CDCA8: variants seen among roughly 807,000 people sequenced by gnomAD.
CDCA8 encodes borealin.
Under a neutral mutation model 40.0 loss-of-function variants are expected in CDCA8, and 25 were observed. The ratio of observed to expected loss-of-function variants is 0.63; its 90% CI spans 0.46 to 0.87. CDCA8 has a LOEUF of 0.87. Among genes scored for constraint, CDCA8 ranks in the 40% least tolerant of loss-of-function variants. The pLI is 0.00. For missense variants in CDCA8, 280 were observed against 348.4 expected (o/e 0.80, Z 1.56); for synonymous variants, 111 against 126.5 (o/e 0.88, Z 0.82).
At position 37,703,305 on chromosome 1, in the gene CDCA8, T is replaced by TG; in HGVS notation, c.544dup (p.Val182GlyfsTer12). The TG allele has an allele frequency of 8.1e-6, 13 of 1,614,078 alleles. No individual in the cohort carries two copies. Among genetic ancestry groups the TG allele is most frequent in the Non-Finnish European group, 1.1e-5 (13 of 1,179,992 alleles). On this transcript the variant is annotated frameshift_variant, in exon 7 of 10. Coordinates refer to ENST00000373055, the MANE Select transcript of CDCA8 (RefSeq NM_001256875.2). LOFTEE classifies it high-confidence loss of function. ...GCCGTGGGCCGATTGGAGGTGTCCATGGTCAAACCAACTCCAGGCCTGACA... is the reference window on the plus strand; with the variant it reads ...GCCGTGGGCCGATTGGAGGTGTCCATGGGTCAAACCAACTCCAGGCCTGACA...
At chr1:37,694,913 A>G (rs1645515856) in intron 2 of CDCA8, among the ~76,000 whole-genome samples, 2 of 152,236 alleles carry the variant, frequency 1.3e-5, no homozygotes, top group African/African-American at 4.8e-5. Context: ...ACATCTATTG[A>G]CTGCTAGATT....
rs1265301234 is a variant in CDCA8, at chr1:37,705,470, C to T, written c.614C>T (p.Pro205Leu). Residue 205 changes from proline to leucine, a missense_variant, in exon 8 of 10, where the codon CCA becomes CTA. By Grantham distance (98) the Pro-to-Leu change is moderately conservative. Coordinates refer to ENST00000373055, the MANE Select transcript of CDCA8 (RefSeq NM_001256875.2). ...TTCAAGACCCCTGGCCTGCGTACTC[C>T]AGCAGCAGGAGAGCGGATTTACAAC... is the stretch of plus-strand genomic sequence containing the variant. ...RVFKTPGLRT[P>L]AAGERIYNIS... The T allele has an allele frequency of 1.9e-6, 3 of 1,614,006 alleles. No homozygotes were observed. The highest frequency in any genetic ancestry group is 2.5e-6 in the Non-Finnish European group (3 of 1,179,934).
chr1:37,692,604 TG>T lies in CDCA8; in HGVS notation c.-85del. ...GTACGTGCCTGGCGACTTCTTCGGG[TG>T]GTCCCCGTCCGCCCTCCTCGTCCCT... On this transcript the variant is annotated 5_prime_UTR_variant, in exon 1 of 10. Transcript: ENST00000373055. 1 of 1,041,214 alleles carries T rather than the reference TG, an allele frequency of 9.6e-7. No individual in the cohort carries two copies. The highest frequency in any genetic ancestry group is 1.5e-6 in the Non-Finnish European group (1 of 682,968). 64.5% of individuals were successfully genotyped at this position (1,041,214 alleles called of 1,614,324 possible).
chr1:37,701,822 G>C lies in CDCA8; in HGVS notation c.488+4G>C, dbSNP rs371748666. On this transcript the variant is annotated splice_donor_region_variant and intron_variant, in intron 6 of 9. Coordinates refer to ENST00000373055, the MANE Select transcript of CDCA8 (RefSeq NM_001256875.2). ...AAGGAAAAGGAAAAGGGAAAAGGTA[G>C]TGGATTTTCTAAAGTTGTGGTGTTT... 6.2e-7 allele frequency: 1 copy of C among 1,609,786 alleles called. No homozygotes were observed. Among genetic ancestry groups the C allele is most frequent in the Non-Finnish European group, 8.5e-7 (1 of 1,176,382 alleles).
At chr1:37,705,134 C>CCAG in intron 7 of CDCA8, among the ~76,000 whole-genome samples, 1 of 152,330 alleles carries the variant, frequency 6.6e-6, no homozygotes, top group South Asian at 2.1e-4. Flanking sequence ...AAACAATTAA[C>CCAG]CAGCGTATTT....
Position 37,703,363 on chromosome 1 carries a change from A to G in CDCA8, c.584+16A>G, listed in dbSNP as rs369883881. On this transcript the variant is annotated intron_variant, in intron 7 of 9. Coordinates refer to ENST00000373055, the MANE Select transcript of CDCA8 (RefSeq NM_001256875.2). ...TTGACTCAAGGTGAGTATCGAGGGA[A>G]ACACTTGGATTTGATGGGACTCCAA... The G allele has an allele frequency of 6.3e-7, 1 of 1,576,902 alleles. No individual in the cohort carries two copies. Among genetic ancestry groups the G allele is most frequent in the African/African-American group, 1.3e-5 (1 of 74,202 alleles).
chr1:37,705,210 A>G (rs1285876321), intron 7 of CDCA8, among the ~76,000 whole-genome samples: 1 of 152,200 alleles, frequency 6.6e-6, no homozygotes, highest in African/African-American at 2.4e-5. Context: ...TTATGTGGAT[A>G]AGAGTTGGCT....
intron 2 of CDCA8, among the ~76,000 whole-genome samples, chr1:37,693,936 G>A (rs530588859): frequency 3.0e-4 from 45 of 151,736 alleles, no homozygotes; most frequent in Non-Finnish European, 5.6e-4. Flanking sequence ...TCAGGAGTTC[G>A]AGACCAGCCT....
At chr1:37,693,143 A>G in intron 2 of CDCA8, 110 bp downstream of exon 2, 1 of 807,324 alleles carries the variant, frequency 1.2e-6, no homozygotes, top group Non-Finnish European at 1.9e-6. Context: ...ATCTGACATG[A>G]CCACTTATGG....
chr1:37,697,794 C>T (rs1246256218), intron 3 of CDCA8, among the ~76,000 whole-genome samples: 1 of 152,252 alleles, frequency 6.6e-6, no homozygotes, highest in Non-Finnish European at 1.5e-5. Flanking sequence ...AGGAATGCCC[C>T]TACTTTCTGT....
chr1:37,700,614 T>G, intron 5 of CDCA8, 93 bp downstream of exon 5: 1 of 778,048 alleles, frequency 1.3e-6, no homozygotes, highest in South Asian at 1.4e-5. Context: ...GAGCTCACAG[T>G]TTAGTAGAGA....
chr1:37,708,153 A>G (rs576933649), intron 9 of CDCA8, among the ~76,000 whole-genome samples, 169 bp from the exon 10 acceptor site: 3 of 152,334 alleles, frequency 2.0e-5, no homozygotes, highest in African/African-American at 7.2e-5. Context: ...TTACTGTCTC[A>G]CTTGAGTTGT....
chr1:37,693,247 G>A (rs929784462), intron 2 of CDCA8, among the ~76,000 whole-genome samples: 1 of 151,776 alleles, frequency 6.6e-6, no homozygotes. Context: ...CGGGCGGGGC[G>A]GTCTCTGTCG....
In CDCA8 at chr1:37,705,431, C is replaced by G. The variant is rs1471767178; in HGVS notation, c.585-10C>G. On this transcript the variant is annotated splice_polypyrimidine_tract_variant and intron_variant, in intron 7 of 9. Transcript: ENST00000373055. ...GCCAAGCTATCTTCACAGAGATTTTCCCATTCTAGGGTCTTCAAGACCCCT... is the reference window on the plus strand; with the variant it reads ...GCCAAGCTATCTTCACAGAGATTTTGCCATTCTAGGGTCTTCAAGACCCCT... 1 of 1,610,958 alleles carries G rather than the reference C, an allele frequency of 6.2e-7. No individual in the cohort carries two copies. Among genetic ancestry groups the G allele is most frequent in the African/African-American group, 1.3e-5 (1 of 74,868 alleles).
chr1:37,707,646 T>G (rs984558866), intron 9 of CDCA8, among the ~76,000 whole-genome samples: 1 of 152,194 alleles, frequency 6.6e-6, no homozygotes, highest in Non-Finnish European at 1.5e-5. Context: ...TTGTTCAATT[T>G]CTTGTCTTGG....
At chr1:37,694,391 AT>A (rs1164757286) in intron 2 of CDCA8, among the ~76,000 whole-genome samples, 1 of 152,192 alleles carries the variant, frequency 6.6e-6, no homozygotes, top group African/African-American at 2.4e-5. Flanking sequence ...TCATTTGCTT[AT>A]TTCTCCAAAT....
Position 37,708,569 on chromosome 1 carries a change from GTCA to G in CDCA8, c.*204_*206del. On this transcript the variant is annotated 3_prime_UTR_variant, in exon 10 of 10. Coordinates refer to ENST00000373055, the MANE Select transcript of CDCA8 (RefSeq NM_001256875.2). ...CACCCTCCCATCCCAGCTGATCCCA[GTCA>G]CTGCTTGCTGGGGCCATGCCATGGA... 1 of 588,616 alleles carries G rather than the reference GTCA, an allele frequency of 1.7e-6. No homozygotes were observed. The highest frequency in any genetic ancestry group is 2.8e-5 in the Admixed American group (1 of 35,636). 36.5% of individuals were successfully genotyped at this position (588,616 alleles called of 1,614,324 possible).
rs373309902 is a variant in CDCA8 at position 37,704,853 on chromosome 1, G to A, written c.585-588G>A. ...AATAGAGACAGGATTTTGCCATGTT[G>A]GCCAGGCTGGTCTCGAACTCCTGAC... On this transcript the variant is annotated intron_variant, in intron 7 of 9. Transcript: ENST00000373055. Among the ~76,000 whole-genome samples the A allele has an allele frequency of 2.2e-4, 33 of 151,946 alleles. No individual in the cohort carries two copies. The South Asian group carries it at 6.4e-3, about 30-fold the overall frequency.
At chr1:37,706,889 C>T (rs894929049) in intron 8 of CDCA8, 89 bp from the exon 9 acceptor site, 1 of 948,430 alleles carries the variant, frequency 1.1e-6, no homozygotes, top group Non-Finnish European at 1.7e-6. Context: ...CCAGCCATTC[C>T]CCACCACTAA....
Sources: allele counts gnomAD v4.1 joint callset (sites outside exome capture counted in the v4.1 genomes callset), GRCh38; gene constraint gnomAD v4.1.1; transcripts MANE v1.5; gene names NCBI Gene and HGNC (gene_info 2026-07-23, HGNC 2026-07-21).